PIP5K1B: variants seen among roughly 807,000 people sequenced by gnomAD.
The protein encoded by PIP5K1B is phosphatidylinositol 4-phosphate 5-kinase type-1 beta.
In PIP5K1B, 42 loss-of-function variants were observed where a neutral mutation model predicts 67.0. That is an observed-to-expected ratio of 0.63 (90% CI 0.49 to 0.81). The LOEUF (loss-of-function observed/expected upper bound fraction) is 0.81. Among genes scored for constraint, PIP5K1B ranks in the 30% least tolerant of loss-of-function variants. The pLI is 0.00. For synonymous variants in PIP5K1B, 214 were observed against 231.4 expected, an observed-to-expected ratio of 0.92 and a Z score of 0.68; for missense variants, 459 against 646.3, an observed-to-expected ratio of 0.71 and a Z score of 3.14.
chr9:69,005,126 AAAACT>A (rs570563945), intron 15 of PIP5K1B, among the ~76,000 whole-genome samples: 58 of 152,290 alleles, frequency 3.8e-4, no homozygotes, highest in South Asian at 8.3e-4. Flanking sequence ...TTAAAAAAAA[AAAACT>A]AAACTAAACT....
intron 2 of PIP5K1B, among the ~76,000 whole-genome samples, chr9:68,805,011 G>A (rs4744704): frequency 0.97 from 148,498 of 152,368 alleles, 72,468 homozygotes; most frequent in East Asian, 1. Context: ...AAGTGCGTTG[G>A]CTGAGGGCTG....
intron 11 of PIP5K1B, 42 bp from the exon 12 acceptor site, chr9:68,923,260 A>T: frequency 9.4e-7 from 1 of 1,062,142 alleles, no homozygotes; most frequent in Non-Finnish European, 1.5e-6. Flanking sequence ...TGAGATGAAC[A>T]TTAAGAGGTG....
chr9:68,925,234 CGTT>C (rs1826630497), intron 12 of PIP5K1B, among the ~76,000 whole-genome samples: 1 of 151,646 alleles, frequency 6.6e-6, no homozygotes, highest in Non-Finnish European at 1.5e-5. Context: ...TTCAGATAAA[CGTT>C]GTGTCCAAAT....
At chr9:68,866,432 C>T (rs544464493) in intron 5 of PIP5K1B, among the ~76,000 whole-genome samples, 11 of 151,038 alleles carry the variant, frequency 7.3e-5, no homozygotes, top group East Asian at 5.8e-4. Context: ...CATATACACT[C>T]ATATAATATA....
intron 2 of PIP5K1B, among the ~76,000 whole-genome samples, chr9:68,765,430 AT>A (rs1176768667): frequency 6.6e-6 from 1 of 152,014 alleles, no homozygotes; most frequent in East Asian, 1.9e-4. Flanking sequence ...CCTAGTACAA[AT>A]TTTTATTAAT....
intron 7 of PIP5K1B, 74 bp from the exon 8 acceptor site, chr9:68,894,265 A>G (rs751726163): frequency 5.4e-5 from 49 of 913,772 alleles, no homozygotes; most frequent in Non-Finnish European, 7.5e-5. Flanking sequence ...TCAGCATGAA[A>G]ACACATCTTT....
chr9:68,777,847 T>G (rs555208642), intron 2 of PIP5K1B, among the ~76,000 whole-genome samples: 94 of 152,332 alleles, frequency 6.2e-4, no homozygotes, highest in African/African-American at 2.1e-3. Flanking sequence ...TTAATGTTCT[T>G]TTCTACTTAC....
intron 8 of PIP5K1B, among the ~76,000 whole-genome samples, chr9:68,913,494 A>G (rs1445285660): frequency 6.6e-6 from 1 of 152,244 alleles, no homozygotes; most frequent in East Asian, 1.9e-4. Flanking sequence ...TAACGGAACT[A>G]TTTTGTTCCT....
intron 14 of PIP5K1B, among the ~76,000 whole-genome samples, chr9:68,953,315 G>C (rs1221154729): frequency 6.6e-6 from 1 of 151,652 alleles, no homozygotes. Flanking sequence ...CTTTTTTCAT[G>C]ATTGTAATTT....
chr9:68,908,192 TATA>T (rs1156771046), intron 8 of PIP5K1B, among the ~76,000 whole-genome samples: 3 of 152,210 alleles, frequency 2.0e-5, no homozygotes, highest in Admixed American at 6.5e-5. Context: ...AGATATATCA[TATA>T]ATGAGAAGGA....
intron 12 of PIP5K1B, among the ~76,000 whole-genome samples, chr9:68,932,899 G>A (rs559937129): frequency 5.3e-5 from 8 of 152,128 alleles, no homozygotes; most frequent in Middle Eastern, 3.4e-3. Context: ...TCAGGAGTTC[G>A]AAACCAGCCT....
At chr9:68,856,101 T>C (rs1822765478) in intron 4 of PIP5K1B, among the ~76,000 whole-genome samples, 1 of 152,066 alleles carries the variant, frequency 6.6e-6, no homozygotes, top group Non-Finnish European at 1.5e-5. Flanking sequence ...CAAATAAGAA[T>C]GCTGTTCCCT....
intron 12 of PIP5K1B, among the ~76,000 whole-genome samples, chr9:68,926,933 C>T (rs1235935639): frequency 6.6e-6 from 1 of 152,152 alleles, no homozygotes; most frequent in Non-Finnish European, 1.5e-5. Flanking sequence ...TTAGCAGTCA[C>T]TCCCCATTCC....
At chr9:68,718,499 T>C (rs1368787200) in intron 1 of PIP5K1B, among the ~76,000 whole-genome samples, 1 of 152,248 alleles carries the variant, frequency 6.6e-6, no homozygotes, top group Non-Finnish European at 1.5e-5. Flanking sequence ...CTCATTTTCA[T>C]TGGCCACTGA....
At chr9:68,920,784 T>TCTCTCTCTCACACATACACACACAGA (rs879785029) in intron 11 of PIP5K1B, among the ~76,000 whole-genome samples, 1 of 142,136 alleles carries the variant, frequency 7.0e-6, no homozygotes, top group Non-Finnish European at 1.5e-5. Context: ...TCTCTCTCTC[T>TCTCTCTCTCACACATACACACACAGA]CACACACATA....
chr9:68,881,336 T>C (rs1349563702), intron 6 of PIP5K1B, among the ~76,000 whole-genome samples: 1 of 152,138 alleles, frequency 6.6e-6, no homozygotes, highest in Admixed American at 6.5e-5. Context: ...AGAGTTTAGC[T>C]AAAGGAAAGC....
chr9:68,786,648 C>G (rs1831635303), intron 2 of PIP5K1B, among the ~76,000 whole-genome samples: 2 of 151,494 alleles, frequency 1.3e-5, no homozygotes, highest in African/African-American at 4.9e-5. Context: ...TAGTAATAGG[C>G]AAGAAATTAA....
At chr9:68,748,725 G>A (rs760092446) in intron 2 of PIP5K1B, among the ~76,000 whole-genome samples, 9 of 146,732 alleles carry the variant, frequency 6.1e-5, no homozygotes, top group Non-Finnish European at 1.2e-4. Flanking sequence ...AGGTTCAAGC[G>A]ATTCTCCTGC....
At chr9:68,734,333 T>G (rs1285491145) in intron 1 of PIP5K1B, among the ~76,000 whole-genome samples, 2 of 152,156 alleles carry the variant, frequency 1.3e-5, no homozygotes, top group African/African-American at 2.4e-5. Context: ...TGAGACAGGT[T>G]TTATTAGAGT....
Sources: gnomAD v4.1 joint callset for allele counts (sites outside exome capture counted in the v4.1 genomes callset) on GRCh38, gnomAD v4.1.1 for gene constraint, MANE v1.5 for transcripts, NCBI Gene and HGNC (gene_info 2026-07-23, HGNC 2026-07-21) for gene names.